The following NEB variants were observed in gnomAD, a reference collection of about 807,000 sequenced individuals.
NEB encodes nebulin, also known as nemaline myopathy type 2.
A neutral mutation model predicts 952.2 loss-of-function variants in NEB; 512 were observed. That is an observed-to-expected ratio of 0.54 (90% confidence interval 0.50 to 0.58). The LOEUF (loss-of-function observed/expected upper bound fraction) is 0.58, where lower values mean the gene tolerates loss of function less well. Among genes scored for constraint, NEB ranks in the 20% least tolerant of loss-of-function variants. The pLI, the probability that NEB is intolerant of heterozygous loss-of-function variation, is 0.00. For missense variants in NEB, 8,428 were observed against 9,231.1 expected (o/e 0.91, Z 3.56); for synonymous variants, 2,900 against 3,149.8 (o/e 0.92, Z 2.66).
chr2:151,554,283 G>T (rs2095503176), intron 125 of NEB, among the ~76,000 whole-genome samples: 1 of 152,168 alleles, frequency 6.6e-6, no homozygotes, highest in Non-Finnish European at 1.5e-5. Flanking sequence ...TGTTCAGGCT[G>T]GGCATGATAA....
At chr2:151,696,839 C>T (rs780575649) in intron 16 of NEB, 104 bp from the exon 17 acceptor site, 3 of 779,006 alleles carry the variant, frequency 3.9e-6, no homozygotes, top group Non-Finnish European at 6.4e-6. Flanking sequence ...AGCAATGAAA[C>T]TTGTAGTTAA....
rs1191761907 is a variant in NEB at position 151,666,130 on chromosome 2, T to G, written c.4991A>C (p.Asn1664Thr). The change falls in exon 41 of 182, where the codon AAT (asparagine) becomes ACT (threonine). Residue 1664 changes from asparagine to threonine, a missense_variant. Asn to Thr is a moderately conservative substitution (Grantham distance 65). This residue lies in a region of NEB where 2,851 missense variants were observed against 2,791.5 expected (regional missense o/e 1.02). Coordinates refer to ENST00000397345, the MANE Select transcript of NEB (RefSeq NM_001164508.2). ...HHYTLLPDALNVEHSRNAMQI... is the reference protein window; with the variant it reads ...HHYTLLPDALTVEHSRNAMQI... ...CATGGCATTCCTGGAGTGCTCCACATTCAAGGCATCGGGCAGGAGAGTGTA... is the reference window on the plus strand; with the variant it reads ...CATGGCATTCCTGGAGTGCTCCACAGTCAAGGCATCGGGCAGGAGAGTGTA... 1 of 1,613,814 alleles carries G rather than the reference T, an allele frequency of 6.2e-7. No homozygotes were observed.
rs887471790 is a variant in NEB at position 151,527,492 on chromosome 2, G to T, written c.21829C>A (p.Gln7277Lys). The T allele has an allele frequency of 9.3e-6, 15 of 1,612,416 alleles. No homozygotes were observed. Among genetic ancestry groups the T allele is most frequent in the African/African-American group, 1.3e-5 (1 of 74,908 alleles). ...DFLQAAKSSLQQSDFEYKLDR... is the reference protein window; with the variant it reads ...DFLQAAKSSLKQSDFEYKLDR... ...CTCTCCTGTCTTACATCGCTTTGCT[G>T]CAGGGATGACTTGGCAGCCTGGAGG... is the stretch of plus-strand genomic sequence containing the variant. The change falls in exon 147 of 182, where the codon CAG becomes AAG. Residue 7277 changes from glutamine to lysine, a missense_variant. Gln to Lys is a moderately conservative substitution (Grantham distance 53). Transcript: ENST00000397345.
chr2:151,531,081 G>A lies in NEB; in HGVS notation c.21543C>T (p.Tyr7181=). 1 of 1,610,988 alleles carries A rather than the reference G, an allele frequency of 6.2e-7. No homozygotes were observed. Among genetic ancestry groups the A allele is most frequent in the South Asian group, 1.1e-5 (1 of 90,736 alleles). ...QISDILYKLE[Y]NKAKPRGYTT... ...TGTAGCCTCTGGGTTTGGCCTTGTTGTATTCCAATTTATAAAGGATCTGAA... is the reference window on the plus strand; with the variant it reads ...TGTAGCCTCTGGGTTTGGCCTTGTTATATTCCAATTTATAAAGGATCTGAA... The change falls in exon 145 of 182, where the codon TAC becomes TAT. Residue 7181 remains tyrosine, a synonymous_variant. Transcript: ENST00000397345.
Position 151,655,866 on chromosome 2 carries a change from TC to T in NEB, c.6652del (p.Asp2218IlefsTer15). On this transcript the variant is annotated frameshift_variant, in exon 50 of 182. Coordinates refer to ENST00000397345, the MANE Select transcript of NEB (RefSeq NM_001164508.2). LOFTEE classifies it high-confidence loss of function. ...PSNFQFKKLT[D>X]SMDMVLAKQN... Reference sequence around the variant, plus strand: ...CTTGGCAAGCACCATGTCCATGGAATCAGTCAGCTTCTTAAACTGGAAGTTG... The same window carrying T: ...CTTGGCAAGCACCATGTCCATGGAATAGTCAGCTTCTTAAACTGGAAGTTG... 1 of 1,613,804 alleles carries T rather than the reference TC, an allele frequency of 6.2e-7. No individual in the cohort carries two copies. The highest frequency in any genetic ancestry group is 8.5e-7 in the Non-Finnish European group (1 of 1,179,778).
intron 12 of NEB, among the ~76,000 whole-genome samples, chr2:151,708,699 C>T (rs1037284814): frequency 1.3e-5 from 2 of 152,224 alleles, no homozygotes; most frequent in Non-Finnish European, 2.9e-5. Context: ...ACCTCTGACA[C>T]TTCCATGTGG....
In NEB at chr2:151,549,681, A is replaced by C. The variant is rs2153632963; in HGVS notation, c.20004T>G (p.Thr6668=). The part of the protein sequence containing the change: ...LPTGYRLPGD[T]PHFKHIKDTR... The stretch of plus-strand genomic sequence containing the variant: ...TGTCCTTGATGTGTTTGAAGTGAGG[A>C]GTGTCACCTGGAAGTCTATATCCAG... The change falls in exon 130 of 182, where the codon ACT becomes ACG. Residue 6668 remains threonine, a synonymous_variant. Coordinates refer to ENST00000397345, the MANE Select transcript of NEB (RefSeq NM_001164508.2). The C allele has an allele frequency of 6.2e-7, 1 of 1,601,730 alleles. No individual in the cohort carries two copies.
rs772083580 is a variant in NEB at position 151,499,368 on chromosome 2, C to T, written c.24044G>A (p.Gly8015Glu). Residue 8015 changes from glycine (G) to glutamate (E), a missense_variant, in exon 169 of 182, where the codon GGA (glycine) becomes GAA (glutamate). By Grantham distance (98) the Gly-to-Glu change is moderately conservative. This residue lies in a region of NEB where 3,374 missense variants were observed against 3,651.5 expected (regional missense o/e 0.92). Coordinates refer to ENST00000397345, the MANE Select transcript of NEB (RefSeq NM_001164508.2). ...FSSVLYKENV[G>E]KGIPIPITPE... ...AGTGATGGGGATTGGAATCCCTTTTCCAACGTTTTCTTTATACAACACCTG... is the reference window on the plus strand; with the variant it reads ...AGTGATGGGGATTGGAATCCCTTTTTCAACGTTTTCTTTATACAACACCTG... The T allele has an allele frequency of 9.7e-6, 15 of 1,544,662 alleles. No individual in the cohort carries two copies. The South Asian group carries it at 1.7e-4, about 17-fold the overall frequency.
intron 55 of NEB, 105 bp downstream of exon 55, chr2:151,646,025 T>C: frequency 3.8e-6 from 3 of 798,190 alleles, no homozygotes; most frequent in South Asian, 3.7e-5. Context: ...TGTAGTTAAT[T>C]AATTAAAATA....
chr2:151,570,716 C>A, intron 107 of NEB, 115 bp from the exon 108 acceptor site: 2 of 902,156 alleles, frequency 2.2e-6, no homozygotes, highest in South Asian at 3.0e-5. Flanking sequence ...GACTTGAGAG[C>A]AGTTAAAGAA....
chr2:151,636,034 T>TC (rs574386664), intron 64 of NEB, among the ~76,000 whole-genome samples, 193 bp downstream of exon 64: 73 of 152,354 alleles, frequency 4.8e-4, no homozygotes, highest in African/African-American at 1.6e-3. Flanking sequence ...AGACGCTGTG[T>TC]CCTGTAGGTT....
chr2:151,626,934 T>A (rs2098537998), intron 70 of NEB, 68 bp downstream of exon 70: 1 of 1,554,328 alleles, frequency 6.4e-7, no homozygotes, highest in Non-Finnish European at 8.8e-7. Context: ...AGAGACTAAC[T>A]TAATTAACAA....
chr2:151,581,350 T>C, intron 103 of NEB, 133 bp downstream of exon 103: 1 of 283,836 alleles, frequency 3.5e-6, no homozygotes, highest in Non-Finnish European at 5.9e-6. Context: ...CAGCTACTTA[T>C]CATTAACTTA....
Position 151,656,345 on chromosome 2 carries a change from C to T in NEB, c.6303G>A (p.Glu2101=). ...MQVAKMQSDR[E]YKKNYENTKT... is the part of the protein sequence containing the mutation. ...TTGTGTTCTCATAGTTTTTCTTGTA[C>T]TCCCGATCAGATTGCATCTTAGCCA... The change falls in exon 49 of 182, where the codon GAG becomes GAA. Residue 2101 remains glutamate, a synonymous_variant. Coordinates refer to ENST00000397345, the MANE Select transcript of NEB (RefSeq NM_001164508.2). 1.2e-6 allele frequency: 2 copies of T among 1,613,608 alleles called. No homozygotes were observed. Among genetic ancestry groups the T allele is most frequent in the Non-Finnish European group, 1.7e-6 (2 of 1,179,692 alleles).
chr2:151,671,756 G>A (rs1228616207), intron 37 of NEB, among the ~76,000 whole-genome samples: 3 of 152,028 alleles, frequency 2.0e-5, no homozygotes, highest in Non-Finnish European at 4.4e-5. Context: ...AGCTCATCTG[G>A]GGAGCAATAT....
chr2:151,725,043 A>G, intron 6 of NEB, 82 bp from the exon 7 acceptor site: 6 of 1,025,126 alleles, frequency 5.9e-6, no homozygotes, highest in Middle Eastern at 2.0e-4. Flanking sequence ...ACCACAGAGC[A>G]TTACCCCAAT....
At chr2:151,697,997 C>A (rs1261137084) in intron 13 of NEB, among the ~76,000 whole-genome samples, 1 of 152,108 alleles carries the variant, frequency 6.6e-6, no homozygotes, top group Admixed American at 6.6e-5. Flanking sequence ...ACCCGGGAGG[C>A]GGAGGTTGCA....
At chr2:151,568,536 G>A in intron 111 of NEB, 82 bp downstream of exon 111, 2 of 1,413,968 alleles carry the variant, frequency 1.4e-6, no homozygotes, top group Non-Finnish European at 2.0e-6. Flanking sequence ...TCAGATGATT[G>A]CATTCTGAGT....
Position 151,570,387 on chromosome 2 carries a change from T to C in NEB, c.17124A>G (p.Lys5708=). 1 of 1,575,720 alleles carries C rather than the reference T, an allele frequency of 6.3e-7. No individual in the cohort carries two copies. Among genetic ancestry groups the C allele is most frequent in the Non-Finnish European group, 8.6e-7 (1 of 1,161,722 alleles). ...TCTGCTTCTCATGGTCAAGCTTATA[T>C]TTATACTGGAGATGCAAAAATAAAG... ...KASREIASDY[K]YKLDHEKQKG... The change falls in exon 109 of 182, where the codon AAA becomes AAG. Residue 5708 remains lysine, a synonymous_variant. Transcript: ENST00000397345.
Sources: allele counts gnomAD v4.1 joint callset (sites outside exome capture counted in the v4.1 genomes callset), GRCh38; gene constraint gnomAD v4.1.1; regional missense constraint gnomAD v4.1.1; transcripts MANE v1.5; gene names NCBI Gene and HGNC (gene_info 2026-07-23, HGNC 2026-07-21).